CDKAL1: variants seen among roughly 807,000 people sequenced by gnomAD.
The protein encoded by CDKAL1 is CDKAL1 threonylcarbamoyladenosine tRNA methylthiotransferase.
In CDKAL1, 32 loss-of-function variants were observed where a neutral mutation model predicts 68.2. The observed-to-expected ratio is 0.47, with a 90% CI of 0.35 to 0.63. CDKAL1 has a LOEUF of 0.63. CDKAL1 is among the 30% of genes least tolerant of loss of function. The pLI, the probability that CDKAL1 is intolerant of heterozygous loss-of-function variation, is 0.00. For missense variants in CDKAL1, 606 were observed against 696.7 expected, an observed-to-expected ratio of 0.87 and a Z score of 1.47; for synonymous variants, 234 against 244.3, an observed-to-expected ratio of 0.96 and a Z score of 0.39.
At chr6:20,853,311 G>C (rs1759117602) in intron 9 of CDKAL1, among the ~76,000 whole-genome samples, 1 of 151,754 alleles carries the variant, frequency 6.6e-6, no homozygotes, top group South Asian at 2.1e-4. Flanking sequence ...GAACCCGGAA[G>C]GTGAGGTTGC....
intron 11 of CDKAL1, among the ~76,000 whole-genome samples, chr6:21,000,597 T>G (rs546720281): frequency 6.6e-6 from 1 of 152,310 alleles, no homozygotes; most frequent in South Asian, 2.1e-4. Context: ...TTAATTTGTG[T>G]AAGATTGCCA....
At chr6:21,006,947 A>G (rs1039674952) in intron 11 of CDKAL1, among the ~76,000 whole-genome samples, 1 of 152,192 alleles carries the variant, frequency 6.6e-6, no homozygotes, top group Non-Finnish European at 1.5e-5. Flanking sequence ...TCAGTGGTAT[A>G]TCATAAACAT....
At chr6:20,874,325 G>A (rs1760382669) in intron 9 of CDKAL1, among the ~76,000 whole-genome samples, 1 of 151,384 alleles carries the variant, frequency 6.6e-6, no homozygotes, top group South Asian at 2.1e-4. Context: ...TTTTTGAGAT[G>A]GAGTCTCGCC....
intron 8 of CDKAL1, among the ~76,000 whole-genome samples, chr6:20,837,937 T>C (rs1423044147): frequency 1.6e-5 from 2 of 123,176 alleles, no homozygotes; most frequent in African/African-American, 6.1e-5. Flanking sequence ...TGGGAAGAAA[T>C]TGTGTGTGTG....
Position 20,564,313 on chromosome 6 carries a change from C to T in CDKAL1, c.286+15608C>T, listed in dbSNP as rs113776089. 3.7e-3 allele frequency among the ~76,000 whole-genome samples: 569 copies of T among 152,258 alleles called. 2 individuals carry two copies. The highest frequency in any genetic ancestry group is 0.013 in the African/African-American group (534 of 41,546). On this transcript the variant is annotated intron_variant, in intron 4 of 15. Coordinates refer to ENST00000274695, the MANE Select transcript of CDKAL1 (RefSeq NM_017774.3). The stretch of plus-strand genomic sequence containing the variant: ...ACTGATGGTTTTTGAATTCTTTGCT[C>T]TACTCACCTTTCATCTGTTAAAGAT...
rs111567993 is a variant in CDKAL1, at chr6:20,667,743, T to C, written c.371+18366T>C. Among the ~76,000 whole-genome samples the C allele has an allele frequency of 1.6e-3, 240 of 152,254 alleles. 1 individual carries two copies. Among genetic ancestry groups the C allele is most frequent in the Non-Finnish European group, 2.5e-3 (169 of 68,014 alleles). On this transcript the variant is annotated intron_variant, in intron 5 of 15. Transcript: ENST00000274695. Reference sequence around the variant, plus strand: ...ACCATGTGTAGAGGAACAATTTCTTTCCTGTGTGTACTTTTCTGGGGTAAA... The same window carrying C: ...ACCATGTGTAGAGGAACAATTTCTTCCCTGTGTGTACTTTTCTGGGGTAAA...
At chr6:21,003,371 T>TATATATATATATATATATATACAC in intron 11 of CDKAL1, among the ~76,000 whole-genome samples, 66 of 49,202 alleles carry the variant, frequency 1.3e-3, no homozygotes, top group East Asian at 3.5e-3. Flanking sequence ...TATATATATA[T>TATATATATATATATATATATACAC]ACACACACAC....
chr6:20,857,584 C>T (rs948100135), intron 9 of CDKAL1, among the ~76,000 whole-genome samples: 1 of 152,228 alleles, frequency 6.6e-6, no homozygotes, highest in African/African-American at 2.4e-5. Flanking sequence ...ATTCCCAATT[C>T]AGTAGCCTTG....
At position 20,649,351 on chromosome 6, in the gene CDKAL1, T is replaced by C. The variant is rs781552872; in HGVS notation, c.345T>C (p.Ala115=). 2.7e-5 allele frequency: 44 copies of C among 1,603,292 alleles called. No homozygotes were observed. Among genetic ancestry groups the C allele is most frequent in the African/African-American group, 4.0e-5 (3 of 74,564 alleles). ...ACAGTTGCACTGTAAAAAACCCAGCTGAAGACCACTTTAGAAACTCAATTA... is the reference window on the plus strand; with the variant it reads ...ACAGTTGCACTGTAAAAAACCCAGCCGAAGACCACTTTAGAAACTCAATTA... ...LLNSCTVKNP[A]EDHFRNSIKK... is the part of the protein sequence containing the mutation. Residue 115 remains alanine (A), a synonymous_variant, in exon 5 of 16, where the codon GCT becomes GCC. Transcript: ENST00000274695.
At chr6:21,080,224 T>C (rs1772312971) in intron 12 of CDKAL1, among the ~76,000 whole-genome samples, 1 of 152,128 alleles carries the variant, frequency 6.6e-6, no homozygotes, top group Non-Finnish European at 1.5e-5. Flanking sequence ...GCCTCAGCTG[T>C]GTAGAGGGAA....
chr6:20,810,437 C>T (rs1255299837), intron 8 of CDKAL1, among the ~76,000 whole-genome samples: 1 of 105,952 alleles, frequency 9.4e-6, no homozygotes, highest in East Asian at 3.0e-4. Flanking sequence ...CACACACACA[C>T]ACACACACGT....
chr6:20,690,624 T>C (rs1408969605), intron 5 of CDKAL1, among the ~76,000 whole-genome samples: 1 of 152,152 alleles, frequency 6.6e-6, no homozygotes, highest in Non-Finnish European at 1.5e-5. Context: ...TCTTTGATTA[T>C]AAACAAAATA....
At chr6:20,732,283 T>TTTTTTTTTTTTTTTTTTATG (rs1554112044) in intron 5 of CDKAL1, among the ~76,000 whole-genome samples, 1 of 117,488 alleles carries the variant, frequency 8.5e-6, no homozygotes, top group Non-Finnish European at 1.8e-5. Flanking sequence ...TTTTTTTTTT[T>TTTTTTTTTTTTTTTTTTATG]TTGTTGTTGT....
intron 5 of CDKAL1, among the ~76,000 whole-genome samples, chr6:20,714,378 C>CTTTTTTTTTTTT (rs545162371): frequency 3.0e-4 from 22 of 72,738 alleles, no homozygotes; most frequent in Non-Finnish European, 4.3e-4. Context: ...ATTGTCTGTT[C>CTTTTTTTTTTTT]TTTTTTTTTT....
chr6:20,548,552 C>A, intron 3 of CDKAL1, 41 bp from the exon 4 acceptor site: 2 of 910,058 alleles, frequency 2.2e-6, no homozygotes, highest in South Asian at 1.4e-5. Context: ...AAAAATCACT[C>A]AATGAAACTT....
intron 4 of CDKAL1, among the ~76,000 whole-genome samples, chr6:20,566,023 CAA>C (rs1025421485): frequency 6.6e-6 from 1 of 151,766 alleles, no homozygotes; most frequent in Non-Finnish European, 1.5e-5. Flanking sequence ...GACAAATGGA[CAA>C]AGATAGTTAA....
intron 9 of CDKAL1, among the ~76,000 whole-genome samples, chr6:20,934,393 T>C (rs556051410): frequency 6.6e-6 from 1 of 152,202 alleles, no homozygotes; most frequent in Non-Finnish European, 1.5e-5. Context: ...TCAGGTAATA[T>C]TTGTGTTATT....
rs572179623 is a variant in CDKAL1, at chr6:20,682,232, T to C, written c.371+32855T>C. ...GGTTCTAGCTGTAATAGTCTGTACT[T>C]ATCTGATCTGCCGTTCCTTCTCTGC... On this transcript the variant is annotated intron_variant, in intron 5 of 15. Coordinates refer to ENST00000274695, the MANE Select transcript of CDKAL1 (RefSeq NM_017774.3). Among the ~76,000 whole-genome samples, 251 of 152,252 alleles carry C rather than the reference T, an allele frequency of 1.6e-3. 1 individual carries two copies. Among genetic ancestry groups the C allele is most frequent in the African/African-American group, 5.4e-3 (223 of 41,494 alleles).
At chr6:20,780,762 C>T (rs1484699916) in intron 7 of CDKAL1, among the ~76,000 whole-genome samples, 1 of 151,230 alleles carries the variant, frequency 6.6e-6, no homozygotes, top group Non-Finnish European at 1.5e-5. Flanking sequence ...CAAACTCCGC[C>T]TCCCGGGCTC....
Sources: gnomAD v4.1 joint callset for allele counts (sites outside exome capture counted in the v4.1 genomes callset) on GRCh38, gnomAD v4.1.1 for gene constraint, MANE v1.5 for transcripts, NCBI Gene and HGNC (gene_info 2026-07-23, HGNC 2026-07-21) for gene names.